CARD8: variants seen among roughly 807,000 people sequenced by gnomAD.
CARD8 encodes the protein caspase recruitment domain family member 8.
In CARD8, 38 loss-of-function variants were observed where a neutral mutation model predicts 53.2. That is an observed-to-expected ratio of 0.71 (90% CI 0.55 to 0.94). The LOEUF (loss-of-function observed/expected upper bound fraction) is 0.94. CARD8 is among the 40% of genes least tolerant of loss of function. The probability of loss-of-function intolerance (pLI) is 0.00; values close to 1 mark genes in which losing one functional copy is unlikely to be tolerated. For synonymous variants in CARD8, 245 were observed against 244.9 expected (o/e 1.00, Z 0.00); for missense variants, 561 against 655.5 (o/e 0.86, Z 1.57).
intron 10 of CARD8, 127 bp downstream of exon 10, chr19:48,230,311 G>A: frequency 1.9e-6 from 2 of 1,028,312 alleles, no homozygotes; most frequent in Non-Finnish European, 2.8e-6. Context: ...CAGGAAGGGT[G>A]ACTCCTGCTT....
intron 6 of CARD8, chr19:48,232,779 G>A (rs2043155457): frequency 1.7e-6 from 1 of 595,132 alleles, no homozygotes; most frequent in Non-Finnish European, 3.2e-6. Flanking sequence ...CTTAGACTGG[G>A]CGGATCTAGA....
downstream of CARD8, among the ~76,000 whole-genome samples, chr19:48,207,155 G>A (rs1452861800): frequency 3.5e-5 from 4 of 114,652 alleles, no homozygotes; most frequent in Non-Finnish European, 6.7e-5. Context: ...GCGACAGAGA[G>A]ACTCTGTCTC....
At chr19:48,207,678 C>G (rs965380488), downstream of CARD8, among the ~76,000 whole-genome samples, 1 of 147,094 alleles carries the variant, frequency 6.8e-6, no homozygotes, top group East Asian at 2.0e-4. Flanking sequence ...ATATTTACAT[C>G]TTCTTCTTAG....
chr19:48,216,279 G>A (rs1405155682), intron 12 of CARD8, among the ~76,000 whole-genome samples: 3 of 152,166 alleles, frequency 2.0e-5, no homozygotes, highest in African/African-American at 7.2e-5. Flanking sequence ...ATTGCATGTT[G>A]GCTGTGAACT....
intron 3 of CARD8, among the ~76,000 whole-genome samples, chr19:48,248,529 C>A (rs908003342): frequency 1.3e-5 from 2 of 152,124 alleles, no homozygotes; most frequent in Non-Finnish European, 2.9e-5. Context: ...GCATGACAAC[C>A]ACTATCAGTT....
intron 11 of CARD8, among the ~76,000 whole-genome samples, chr19:48,220,111 A>G (rs1310317499): frequency 2.0e-5 from 3 of 152,206 alleles, no homozygotes; most frequent in African/African-American, 7.2e-5. Flanking sequence ...TGCAACAGCC[A>G]AGAATGTATC....
chr19:48,213,335 C>G (rs2038421550), intron 13 of CARD8, among the ~76,000 whole-genome samples: 1 of 151,814 alleles, frequency 6.6e-6, no homozygotes, highest in Non-Finnish European at 1.5e-5. Flanking sequence ...ATGATGGAAA[C>G]TTGGTCCTCT....
At chr19:48,232,425 T>G in intron 7 of CARD8, 28 bp downstream of exon 7, 1 of 1,526,346 alleles carries the variant, frequency 6.6e-7, no homozygotes, top group Non-Finnish European at 8.8e-7. Flanking sequence ...CCACACGCCC[T>G]TCACTCCTCT....
intron 11 of CARD8, among the ~76,000 whole-genome samples, chr19:48,220,709 C>T (rs1489514095): frequency 3.3e-5 from 5 of 151,842 alleles, no homozygotes; most frequent in African/African-American, 4.8e-5. Context: ...GTCAGGAGTT[C>T]GAGACCAGCC....
downstream of CARD8, chr19:48,204,237 A>T (rs1038662334): frequency 5.3e-5 from 24 of 454,964 alleles, no homozygotes; most frequent in Non-Finnish European, 8.8e-6. Context: ...GCGTTGCCAC[A>T]GTAACCCTGG....
At chr19:48,207,709 T>C (rs561284027), downstream of CARD8, among the ~76,000 whole-genome samples, 1 of 149,210 alleles carries the variant, frequency 6.7e-6, no homozygotes, top group African/African-American at 2.5e-5. Flanking sequence ...CTAATGAACT[T>C]CTTCTTTTTT....
chr19:48,220,108 G>A (rs946357949), intron 11 of CARD8, among the ~76,000 whole-genome samples: 11 of 152,144 alleles, frequency 7.2e-5, no homozygotes, highest in Non-Finnish European at 1.6e-4. Flanking sequence ...TTCTGCAACA[G>A]CCAAGAATGT....
intron 5 of CARD8, among the ~76,000 whole-genome samples, chr19:48,237,863 C>T (rs745746413): frequency 2.0e-5 from 3 of 151,812 alleles, no homozygotes; most frequent in Non-Finnish European, 4.4e-5. Flanking sequence ...GAACTCTGCC[C>T]TTCTCTCCCA....
downstream of CARD8, among the ~76,000 whole-genome samples, chr19:48,207,690 A>G (rs7249075): frequency 0.32 from 46,636 of 147,230 alleles, 7,751 homozygotes; most frequent in East Asian, 0.52. Flanking sequence ...TCTTCTTAGT[A>G]GCTTCATTCT....
At position 48,208,243 on chromosome 19, in the gene CARD8, G is replaced by A. The variant is rs997970337; in HGVS notation, c.*3467C>T. Reference sequence around the variant, plus strand: ...TTACGATCACAATCATGAAGAGGATGGAGCTGCAGAATCTGAGCATATAAA... The same window carrying A: ...TTACGATCACAATCATGAAGAGGATAGAGCTGCAGAATCTGAGCATATAAA... On this transcript the variant is annotated 3_prime_UTR_variant, in exon 14 of 14. Transcript: ENST00000651546. 1 of 152,122 alleles carries A rather than the reference G, an allele frequency of 6.6e-6. No individual in the cohort carries two copies. The highest frequency in any genetic ancestry group is 1.5e-5 in the Non-Finnish European group (1 of 68,036). The allele number at this position is 152,122 out of a possible 1,614,324, so 9.4% of individuals were successfully genotyped here. A position where few individuals can be genotyped will look rare whatever the true frequency, so the allele number is the denominator to read the frequency against.
At chr19:48,232,425 T>C in intron 7 of CARD8, 28 bp downstream of exon 7, 1 of 1,526,346 alleles carries the variant, frequency 6.6e-7, no homozygotes, top group Non-Finnish European at 8.8e-7. Flanking sequence ...CCACACGCCC[T>C]TCACTCCTCT....
chr19:48,229,708 GAATATGAGCCTTT>G (rs2042479743), intron 10 of CARD8, among the ~76,000 whole-genome samples: 1 of 152,214 alleles, frequency 6.6e-6, no homozygotes, highest in South Asian at 2.1e-4. Flanking sequence ...GAGAGTGTGG[GAATATGAGCCTTT>G]AATAAGTGCA....
At position 48,223,687 on chromosome 19, in the gene CARD8, G is replaced by T. The variant is rs146077170; in HGVS notation, c.1036-1832C>A. ...ATCACATTGCTAGGGTTATGATTAC[G>T]GACAGATTTCTGTAGGTGTTGAGAG... On this transcript the variant is annotated intron_variant, in intron 10 of 13. Coordinates refer to ENST00000651546, the MANE Select transcript of CARD8 (RefSeq NM_001184900.3). The T allele has an allele frequency of 1.1e-3, 372 of 349,596 alleles. 1 individual carries two copies. The highest frequency in any genetic ancestry group is 3.3e-4 in the Non-Finnish European group (58 of 178,028). 21.7% of individuals were successfully genotyped at this position (349,596 alleles called of 1,614,324 possible).
chr19:48,207,732 C>CTGTTTTTTTTTTGT (rs1555790093), downstream of CARD8, among the ~76,000 whole-genome samples: 36 of 91,278 alleles, frequency 3.9e-4, 3 homozygotes, highest in Non-Finnish European at 7.4e-4. Flanking sequence ...TGTTGTTTTT[C>CTGTTTTTTTTTTGT]TGTTTTTTTT....
Sources: allele counts gnomAD v4.1 joint callset (sites outside exome capture counted in the v4.1 genomes callset), GRCh38; gene constraint gnomAD v4.1.1; transcripts MANE v1.5; gene names NCBI Gene and HGNC (gene_info 2026-07-23, HGNC 2026-07-21).